ASTN2: variants seen among roughly 807,000 people sequenced by gnomAD.
ASTN2 encodes the protein astrotactin 2, also known as astrotactin-2.
A neutral mutation model predicts 139.8 loss-of-function variants in ASTN2; 54 were observed. The observed-to-expected ratio is 0.39, with a 90% CI of 0.31 to 0.48. The LOEUF (loss-of-function observed/expected upper bound fraction) is 0.48. Among genes scored for constraint, ASTN2 ranks in the 20% least tolerant of loss-of-function variants. The pLI, the probability that ASTN2 is intolerant of heterozygous loss-of-function variation, is 0.95. For missense variants in ASTN2, 1,565 were observed against 1,725.1 expected, an observed-to-expected ratio of 0.91 and a Z score of 1.64; for synonymous variants, 756 against 719.5, an observed-to-expected ratio of 1.05 and a Z score of -0.81.
At chr9:116,826,103 C>T (rs535183678) in intron 11 of ASTN2, among the ~76,000 whole-genome samples, 9 of 152,300 alleles carry the variant, frequency 5.9e-5, no homozygotes, top group South Asian at 4.1e-4. Flanking sequence ...CCCAAAGCAC[C>T]GTTTTTGACA....
chr9:116,606,251 C>G (rs988291845), intron 19 of ASTN2, among the ~76,000 whole-genome samples: 1 of 152,102 alleles, frequency 6.6e-6, no homozygotes, highest in Non-Finnish European at 1.5e-5. Context: ...AACAGCGTCC[C>G]GGAACTGACC....
intron 11 of ASTN2, among the ~76,000 whole-genome samples, chr9:116,828,853 C>T (rs1268086046): frequency 1.3e-5 from 2 of 152,082 alleles, no homozygotes; most frequent in Non-Finnish European, 2.9e-5. Context: ...ATGCAGAAAT[C>T]AGTAGCATTT....
At chr9:116,549,332 G>T (rs199946691) in intron 19 of ASTN2, among the ~76,000 whole-genome samples, 3 of 152,210 alleles carry the variant, frequency 2.0e-5, no homozygotes, top group East Asian at 1.9e-4. Flanking sequence ...AACGTAGAGG[G>T]ACAAAAAGAA....
At chr9:116,846,297 C>T (rs553037696) in intron 11 of ASTN2, among the ~76,000 whole-genome samples, 4 of 152,240 alleles carry the variant, frequency 2.6e-5, no homozygotes, top group Admixed American at 2.0e-4. Context: ...ATTTGCATCA[C>T]GCTACCAAAC....
chr9:117,001,154 AG>A (rs1162322852), intron 7 of ASTN2, among the ~76,000 whole-genome samples: 2 of 152,200 alleles, frequency 1.3e-5, no homozygotes, highest in Non-Finnish European at 2.9e-5. Context: ...GTCACTTGGG[AG>A]AAAAAATTTT....
chr9:116,465,796 C>T (rs867865575), intron 20 of ASTN2, among the ~76,000 whole-genome samples: 21 of 152,054 alleles, frequency 1.4e-4, no homozygotes, highest in Non-Finnish European at 1.8e-4. Context: ...GTGTTTTAGG[C>T]GAGATGGGAG....
chr9:116,958,832 A>C (rs1835795540), intron 10 of ASTN2, among the ~76,000 whole-genome samples: 1 of 152,148 alleles, frequency 6.6e-6, no homozygotes, highest in Non-Finnish European at 1.5e-5. Context: ...CAGCAGGTGC[A>C]AGCAGGGGGC....
At chr9:116,842,879 G>A (rs553733684) in intron 11 of ASTN2, among the ~76,000 whole-genome samples, 29 of 152,218 alleles carry the variant, frequency 1.9e-4, no homozygotes, top group African/African-American at 3.4e-4. Flanking sequence ...TCCCCCAGGA[G>A]AGCTCCCTGG....
At chr9:116,744,053 G>A (rs1270672827) in intron 13 of ASTN2, among the ~76,000 whole-genome samples, 1 of 152,146 alleles carries the variant, frequency 6.6e-6, no homozygotes, top group East Asian at 1.9e-4. Flanking sequence ...CTCCCTGGAG[G>A]AGGTGAGACT....
intron 13 of ASTN2, among the ~76,000 whole-genome samples, chr9:116,791,039 G>GAAAGAAAGAAAAAGAAAGAAAGA (rs1554746886): frequency 8.5e-5 from 7 of 82,136 alleles, no homozygotes; most frequent in African/African-American, 2.9e-4. Flanking sequence ...AAGAAAGAAA[G>GAAAGAAAGAAAAAGAAAGAAAGA]AAAGAAAAGA....
intron 2 of ASTN2, among the ~76,000 whole-genome samples, chr9:117,243,139 A>G (rs1473195735): frequency 6.6e-6 from 1 of 152,210 alleles, no homozygotes; most frequent in Non-Finnish European, 1.5e-5. Context: ...AGGCTTAGCA[A>G]GGTCATGTGA....
At chr9:116,738,002 C>A (rs1828986697) in intron 13 of ASTN2, among the ~76,000 whole-genome samples, 1 of 150,554 alleles carries the variant, frequency 6.6e-6, no homozygotes, top group Non-Finnish European at 1.5e-5. Context: ...ACCATCCTGG[C>A]TAACACGGTG....
intron 2 of ASTN2, among the ~76,000 whole-genome samples, chr9:117,230,780 C>A (rs922909589): frequency 6.6e-6 from 1 of 152,114 alleles, no homozygotes; most frequent in East Asian, 1.9e-4. Flanking sequence ...GCGGACAGTG[C>A]ATGCATCATG....
chr9:117,181,409 C>T (rs1182681227), intron 3 of ASTN2, among the ~76,000 whole-genome samples: 1 of 152,220 alleles, frequency 6.6e-6, no homozygotes, highest in African/African-American at 2.4e-5. Context: ...TTACTCAACT[C>T]TCTTACACAC....
At chr9:116,473,144 GACA>G (rs1472529468) in intron 20 of ASTN2, among the ~76,000 whole-genome samples, 1 of 152,144 alleles carries the variant, frequency 6.6e-6, no homozygotes, top group African/African-American at 2.4e-5. Flanking sequence ...GGTACATGAT[GACA>G]ACGACTGGGA....
intron 13 of ASTN2, among the ~76,000 whole-genome samples, chr9:116,756,189 T>C (rs1471276418): frequency 1.3e-5 from 2 of 152,204 alleles, no homozygotes; most frequent in Non-Finnish European, 2.9e-5. Context: ...AGACAGCCAC[T>C]TAATCACTGT....
intron 19 of ASTN2, among the ~76,000 whole-genome samples, chr9:116,509,643 T>C (rs917303825): frequency 6.6e-6 from 1 of 151,996 alleles, no homozygotes; most frequent in African/African-American, 2.4e-5. Flanking sequence ...AAAGTGTTCC[T>C]ATTTCTCCAC....
intron 1 of ASTN2, among the ~76,000 whole-genome samples, chr9:117,394,398 C>T (rs1324735248): frequency 1.3e-5 from 2 of 152,150 alleles, no homozygotes; most frequent in East Asian, 1.9e-4. Flanking sequence ...ACTTCATATG[C>T]TCAATAGCCA....
intron 4 of ASTN2, among the ~76,000 whole-genome samples, chr9:117,105,013 G>A (rs761566494): frequency 6.6e-6 from 1 of 151,976 alleles, no homozygotes; most frequent in Non-Finnish European, 1.5e-5. Context: ...GGGAAGTAAC[G>A]CTTTGTCTTC....
Sources: allele counts gnomAD v4.1 joint callset (sites outside exome capture counted in the v4.1 genomes callset), GRCh38; gene constraint gnomAD v4.1.1; transcripts MANE v1.5; gene names NCBI Gene and HGNC (gene_info 2026-07-23, HGNC 2026-07-21).